Variants in POLR3G observed in about 807,000 individuals in gnomAD.
POLR3G encodes RNA polymerase III subunit G, also known as DNA-directed RNA polymerase III subunit RPC7.
Under a neutral mutation model 30.1 loss-of-function variants are expected in POLR3G, and 28 were observed. The ratio of observed to expected loss-of-function variants is 0.93; its 90% CI spans 0.69 to 1.27. The LOEUF (loss-of-function observed/expected upper bound fraction) is 1.27. Among genes scored for constraint, POLR3G ranks in the 50% most tolerant of loss-of-function variants. The pLI is 0.00. For missense variants in POLR3G, 254 were observed against 264.6 expected, an observed-to-expected ratio of 0.96 and a Z score of 0.28; for synonymous variants, 79 against 82.5, an observed-to-expected ratio of 0.96 and a Z score of 0.23.
At chr5:90,497,852 T>C (rs1752064203) in intron 5 of POLR3G, 146 bp downstream of exon 5, 4 of 992,356 alleles carry the variant, frequency 4.0e-6, no homozygotes. Flanking sequence ...ATGCCTGTAA[T>C]CTCAGCATTT....
At chr5:90,503,635 A>G (rs1215028421) in intron 6 of POLR3G, among the ~76,000 whole-genome samples, 1 of 152,242 alleles carries the variant, frequency 6.6e-6, no homozygotes, top group Non-Finnish European at 1.5e-5. Context: ...GGAAATTTAA[A>G]TCTAGAAATA....
chr5:90,483,960 T>G (rs191927360), intron 1 of POLR3G, among the ~76,000 whole-genome samples: 3 of 152,310 alleles, frequency 2.0e-5, no homozygotes, highest in Non-Finnish European at 4.4e-5. Context: ...ATGAGATCTA[T>G]GAAGTCCTTG....
intron 7 of POLR3G, among the ~76,000 whole-genome samples, chr5:90,508,190 A>C (rs1163991020): frequency 6.6e-6 from 1 of 152,034 alleles, no homozygotes; most frequent in Non-Finnish European, 1.5e-5. Flanking sequence ...CTTTCTTCTT[A>C]TTTCCCTTTG....
At chr5:90,503,275 C>A (rs571611480) in intron 6 of POLR3G, among the ~76,000 whole-genome samples, 73 of 152,282 alleles carry the variant, frequency 4.8e-4, no homozygotes, top group African/African-American at 1.7e-3. Context: ...CTTGCCTGGC[C>A]AAGTTGGCAC....
rs1370004671 is a variant in POLR3G at position 90,479,612 on chromosome 5, T to C, written c.-44+4592T>C. ...ACATATATCACCTGAAATTTTTTTT[T>C]TTTAATCTGTGTTTTAACAGGAGGA... On this transcript the variant is annotated intron_variant, in intron 1 of 7. Coordinates refer to ENST00000651687, the MANE Select transcript of POLR3G (RefSeq NM_006467.3). Among the ~76,000 whole-genome samples, 6 of 152,230 alleles carry C rather than the reference T, an allele frequency of 3.9e-5. No homozygotes were observed. The East Asian group carries it at 1.2e-3, about 29-fold the overall frequency.
rs1459281679 is a variant in POLR3G, at chr5:90,506,783, C to T, written c.585+109C>T. 5.8e-6 allele frequency: 8 copies of T among 1,379,372 alleles called. No individual in the cohort carries two copies. In the Admixed American group the frequency reaches 8.1e-5, roughly 14 times the overall value. The allele number at this position is 1,379,372 out of a possible 1,614,324, so 85.4% of individuals were successfully genotyped here. A position where few individuals can be genotyped will look rare whatever the true frequency, so the allele number is the denominator to read the frequency against. Reference sequence around the variant, plus strand: ...TAAACAGAAACCAAGATGATGGGAACCAGAAGTATATTATTATCAATGGCA... The same window carrying T: ...TAAACAGAAACCAAGATGATGGGAATCAGAAGTATATTATTATCAATGGCA... On this transcript the variant is annotated intron_variant, in intron 7 of 7. Transcript: ENST00000651687.
At chr5:90,488,493 C>T (rs552559133) in intron 3 of POLR3G, among the ~76,000 whole-genome samples, 1 of 152,072 alleles carries the variant, frequency 6.6e-6, no homozygotes, top group Admixed American at 6.5e-5. Flanking sequence ...ATTCACATTA[C>T]TTTGTATCTT....
intron 3 of POLR3G, among the ~76,000 whole-genome samples, chr5:90,491,624 T>C (rs751457419): frequency 5.3e-5 from 8 of 151,988 alleles, no homozygotes; most frequent in Non-Finnish European, 1.2e-4. Flanking sequence ...GAAACAGACA[T>C]TTTCTTAAAA....
intron 5 of POLR3G, among the ~76,000 whole-genome samples, chr5:90,501,311 GA>G (rs1466999086): frequency 6.6e-6 from 1 of 151,992 alleles, no homozygotes; most frequent in Non-Finnish European, 1.5e-5. Flanking sequence ...AGAATTTTGA[GA>G]TATGGCAGTT....
intron 3 of POLR3G, among the ~76,000 whole-genome samples, chr5:90,493,779 T>A (rs796649664): frequency 9.6e-5 from 13 of 135,990 alleles, no homozygotes; most frequent in African/African-American, 3.6e-4. Flanking sequence ...ATTATCTCAG[T>A]TCACTGCAAC....
intron 6 of POLR3G, 110 bp from the exon 7 acceptor site, chr5:90,506,418 G>A: frequency 7.2e-7 from 1 of 1,392,390 alleles, no homozygotes; most frequent in African/African-American, 1.4e-5. Flanking sequence ...AGGAGGTGGT[G>A]GTAAGATGGG....
chr5:90,475,538 T>C (rs1750763386), intron 1 of POLR3G, among the ~76,000 whole-genome samples: 1 of 151,488 alleles, frequency 6.6e-6, no homozygotes, highest in Non-Finnish European at 1.5e-5. Flanking sequence ...TGGAAGAGAG[T>C]AAAGCGAGTT....
chr5:90,474,668 A>G, upstream of POLR3G: 1 of 283,402 alleles, frequency 3.5e-6, no homozygotes, highest in South Asian at 3.4e-5. Context: ...GTGACAGCAG[A>G]GGCCCGCAGT....
At chr5:90,504,619 A>G (rs1319645467) in intron 6 of POLR3G, among the ~76,000 whole-genome samples, 1 of 152,150 alleles carries the variant, frequency 6.6e-6, no homozygotes, top group Non-Finnish European at 1.5e-5. Flanking sequence ...TCTTAATTAT[A>G]AAAATAAAAT....
chr5:90,493,641 T>C (rs1751841796), intron 3 of POLR3G, among the ~76,000 whole-genome samples: 1 of 149,486 alleles, frequency 6.7e-6, no homozygotes, highest in South Asian at 2.1e-4. Flanking sequence ...ACTTTTAATA[T>C]AGCCACAGAG....
At chr5:90,507,412 C>A (rs1025919429) in intron 7 of POLR3G, among the ~76,000 whole-genome samples, 6 of 152,160 alleles carry the variant, frequency 3.9e-5, no homozygotes, top group Middle Eastern at 3.2e-3. Flanking sequence ...AATTATTTTG[C>A]ATTAAATTTG....
In POLR3G at chr5:90,506,679, T is replaced by A; in HGVS notation, c.585+5T>A. On this transcript the variant is annotated splice_donor_5th_base_variant and intron_variant, in intron 7 of 7. Transcript: ENST00000651687. ...GATGAAGAAGAGCAAGAAGAGGTAA[T>A]GGTTCATTTGGGGATGGTAGCAAAA... 2 of 1,595,822 alleles carry A rather than the reference T, an allele frequency of 1.3e-6. No individual in the cohort carries two copies. The highest frequency in any genetic ancestry group is 1.7e-6 in the Non-Finnish European group (2 of 1,171,362).
chr5:90,484,792 A>G (rs1751351621), intron 1 of POLR3G, among the ~76,000 whole-genome samples: 1 of 152,164 alleles, frequency 6.6e-6, no homozygotes, highest in South Asian at 2.1e-4. Flanking sequence ...AATGTAAAGA[A>G]TGTGCATTAT....
At chr5:90,511,910 A>T in intron 7 of POLR3G, 143 bp from the exon 8 acceptor site, 1 of 609,124 alleles carries the variant, frequency 1.6e-6, no homozygotes. Flanking sequence ...TGGTGGTCTT[A>T]AGGAAGAAAG....
Sources: gnomAD v4.1 joint callset for allele counts (sites outside exome capture counted in the v4.1 genomes callset) on GRCh38, gnomAD v4.1.1 for gene constraint, MANE v1.5 for transcripts, NCBI Gene and HGNC (gene_info 2026-07-23, HGNC 2026-07-21) for gene names.